SLC9A9: variants seen among roughly 807,000 people sequenced by gnomAD.
SLC9A9 encodes the protein solute carrier family 9 member A9.
In SLC9A9, 62 loss-of-function variants were observed where a neutral mutation model predicts 77.8. That is an observed-to-expected ratio of 0.80 (90% CI 0.65 to 0.98). The LOEUF (loss-of-function observed/expected upper bound fraction) is 0.98. SLC9A9 is among the 50% of genes least tolerant of loss of function. The pLI is 0.00. For missense variants in SLC9A9, 775 were observed against 774.9 expected, an observed-to-expected ratio of 1.00 and a Z score of 0.00; for synonymous variants, 320 against 283.5, an observed-to-expected ratio of 1.13 and a Z score of -1.29.
intron 4 of SLC9A9, among the ~76,000 whole-genome samples, chr3:143,756,123 G>T (rs1268797301): frequency 6.6e-6 from 1 of 152,106 alleles, no homozygotes; most frequent in Non-Finnish European, 1.5e-5. Context: ...CCACCTGTCT[G>T]TACCCACACG....
chr3:143,278,694 C>T (rs1303414932), intron 14 of SLC9A9, among the ~76,000 whole-genome samples: 4 of 152,184 alleles, frequency 2.6e-5, no homozygotes, highest in Non-Finnish European at 4.4e-5. Flanking sequence ...TGTTCCAGCA[C>T]GACCTTGTCT....
In SLC9A9 at chr3:143,755,305, C is replaced by G. The variant is rs1427872324; in HGVS notation, c.533+39696G>C. Reference sequence around the variant, plus strand: ...TTCTCCAAGTTGAACATATTTGGATCTACACTGGTACACACATCTATAAGA... The same window carrying G: ...TTCTCCAAGTTGAACATATTTGGATGTACACTGGTACACACATCTATAAGA... On this transcript the variant is annotated intron_variant, in intron 4 of 15. Transcript: ENST00000316549. Among the ~76,000 whole-genome samples, 3 of 152,176 alleles carry G rather than the reference C, an allele frequency of 2.0e-5. No homozygotes were observed. In the East Asian group the frequency reaches 5.8e-4, roughly 29 times the overall value.
chr3:143,413,009 A>G (rs1291306437), intron 12 of SLC9A9, among the ~76,000 whole-genome samples: 1 of 151,944 alleles, frequency 6.6e-6, no homozygotes, highest in Non-Finnish European at 1.5e-5. Context: ...CTGAACATCC[A>G]GGGATTTGTG....
intron 5 of SLC9A9, among the ~76,000 whole-genome samples, chr3:143,653,113 C>T (rs1576635782): frequency 2.0e-5 from 3 of 152,182 alleles, no homozygotes; most frequent in African/African-American, 4.8e-5. Flanking sequence ...AAGGGAGACA[C>T]GGTTCCACCT....
intron 5 of SLC9A9, among the ~76,000 whole-genome samples, chr3:143,664,182 T>A (rs1446269288): frequency 2.0e-5 from 3 of 152,142 alleles, no homozygotes; most frequent in African/African-American, 7.2e-5. Context: ...TATTCAACAT[T>A]CTTAAAGAAA....
At chr3:143,431,397 G>A (rs922942586) in intron 12 of SLC9A9, among the ~76,000 whole-genome samples, 4 of 151,896 alleles carry the variant, frequency 2.6e-5, no homozygotes, top group Non-Finnish European at 4.4e-5. Context: ...GTAGAATACA[G>A]TGTATTCTCA....
intron 2 of SLC9A9, among the ~76,000 whole-genome samples, chr3:143,811,105 C>A (rs1049811927): frequency 6.6e-6 from 1 of 152,064 alleles, no homozygotes; most frequent in Non-Finnish European, 1.5e-5. Flanking sequence ...CAGAGAACAC[C>A]GGTAGCTTCC....
intron 9 of SLC9A9, among the ~76,000 whole-genome samples, chr3:143,534,883 T>G (rs1408601787): frequency 1.3e-5 from 2 of 149,170 alleles, no homozygotes; most frequent in African/African-American, 5.1e-5. Flanking sequence ...AACATTTTGC[T>G]TTAGAAAAAA....
intron 6 of SLC9A9, among the ~76,000 whole-genome samples, chr3:143,629,488 G>C (rs1322008300): frequency 6.6e-6 from 1 of 152,032 alleles, no homozygotes; most frequent in African/African-American, 2.4e-5. Context: ...ATTCATTATT[G>C]ATCTGAAATT....
chr3:143,771,864 CT>C (rs964329684), intron 4 of SLC9A9, among the ~76,000 whole-genome samples: 42 of 152,242 alleles, frequency 2.8e-4, no homozygotes, highest in African/African-American at 1.0e-3. Context: ...GGGACCACAT[CT>C]CATTCTTGAG....
intron 4 of SLC9A9, among the ~76,000 whole-genome samples, chr3:143,788,683 T>A: frequency 1.7e-5 from 1 of 58,454 alleles, no homozygotes; most frequent in Non-Finnish European, 2.9e-5. Flanking sequence ...AGAGTGAGAC[T>A]CCATCAAAAA....
At chr3:143,485,788 T>C (rs967585288) in intron 11 of SLC9A9, among the ~76,000 whole-genome samples, 1 of 151,960 alleles carries the variant, frequency 6.6e-6, no homozygotes, top group Admixed American at 6.6e-5. Context: ...TGATGGCAGA[T>C]ATACTAGACA....
chr3:143,687,650 G>C (rs1237573313), intron 5 of SLC9A9, among the ~76,000 whole-genome samples: 5 of 151,950 alleles, frequency 3.3e-5, no homozygotes, highest in Non-Finnish European at 2.9e-5. Flanking sequence ...AGTCTCACAG[G>C]AATAAAAATC....
chr3:143,688,921 G>A (rs1933363495), intron 5 of SLC9A9, among the ~76,000 whole-genome samples: 1 of 142,020 alleles, frequency 7.0e-6, no homozygotes, highest in African/African-American at 2.6e-5. Context: ...TACTGGAAAA[G>A]GGTATCTTAT....
chr3:143,315,836 C>A (rs1223489487), intron 14 of SLC9A9, among the ~76,000 whole-genome samples: 1 of 152,172 alleles, frequency 6.6e-6, no homozygotes, highest in African/African-American at 2.4e-5. Flanking sequence ...GGAATGGTGG[C>A]ACGAACACAA....
At chr3:143,499,035 G>A (rs974880734) in intron 9 of SLC9A9, among the ~76,000 whole-genome samples, 1 of 152,170 alleles carries the variant, frequency 6.6e-6, no homozygotes, top group Non-Finnish European at 1.5e-5. Context: ...GGGACATAGT[G>A]CCATGCAGTT....
intron 2 of SLC9A9, among the ~76,000 whole-genome samples, chr3:143,797,226 A>G (rs749535833): frequency 5.9e-5 from 9 of 151,546 alleles, no homozygotes; most frequent in Admixed American, 1.3e-4. Flanking sequence ...ACAAGGATTT[A>G]TTTAAAGTTT....
intron 4 of SLC9A9, among the ~76,000 whole-genome samples, chr3:143,697,179 G>T (rs1933665961): frequency 6.6e-6 from 1 of 151,486 alleles, no homozygotes; most frequent in African/African-American, 2.4e-5. Flanking sequence ...ATTATAAAGT[G>T]ATATATAAAA....
intron 14 of SLC9A9, among the ~76,000 whole-genome samples, chr3:143,269,738 T>C (rs1335719786): frequency 6.6e-6 from 1 of 152,230 alleles, no homozygotes. Flanking sequence ...AGAAATGACT[T>C]TTAAGCTTTA....
Sources: allele counts gnomAD v4.1 joint callset (sites outside exome capture counted in the v4.1 genomes callset), GRCh38; gene constraint gnomAD v4.1.1; transcripts MANE v1.5; gene names NCBI Gene and HGNC (gene_info 2026-07-23, HGNC 2026-07-21).